PTPN11: variants seen among roughly 807,000 people sequenced by gnomAD.
PTPN11 encodes protein tyrosine phosphatase non-receptor type 11, also known as tyrosine-protein phosphatase non-receptor type 11.
A neutral mutation model predicts 78.8 loss-of-function variants in PTPN11; 6 were observed. The observed-to-expected ratio is 0.08, with a 90% CI of 0.04 to 0.15. PTPN11 has a LOEUF of 0.15. PTPN11 is among the 10% of genes least tolerant of loss of function. PTPN11 has a pLI of 1.00. For missense variants in PTPN11, 386 were observed against 744.8 expected (o/e 0.52, Z 5.61); for synonymous variants, 221 against 263.5 (o/e 0.84, Z 1.56).
chr12:112,453,646 G>GTTTTTTTTTTTTTTT (rs376601242), intron 4 of PTPN11, among the ~76,000 whole-genome samples: 1 of 116,578 alleles, frequency 8.6e-6, no homozygotes. Context: ...CAGATTTTCT[G>GTTTTTTTTTTTTTTT]TTTTTTTTTT....
At chr12:112,497,540 C>T (rs58116261) in intron 13 of PTPN11, among the ~76,000 whole-genome samples, 15,583 of 152,208 alleles carry the variant, frequency 0.1, 932 homozygotes, top group East Asian at 0.23. Flanking sequence ...CTCCCTTCAT[C>T]TCCTTGGTCC....
rs556899087 is a variant in PTPN11 at position 112,459,139 on chromosome 12, T to C, written c.756+3076T>C. 7.7e-4 allele frequency among the ~76,000 whole-genome samples: 117 copies of C among 152,250 alleles called. No homozygotes were observed. The Middle Eastern group carries it at 0.037, about 49-fold the overall frequency. Reference sequence around the variant, plus strand: ...CCTGCCTAAATAATAAAAGGCAGCATTTCAGCAGTCATTCATTTCATTACT... The same window carrying C: ...CCTGCCTAAATAATAAAAGGCAGCACTTCAGCAGTCATTCATTTCATTACT... On this transcript the variant is annotated intron_variant, in intron 6 of 15. Coordinates refer to ENST00000351677, the MANE Select transcript of PTPN11 (RefSeq NM_002834.5).
At chr12:112,475,963 A>G (rs752633099) in intron 7 of PTPN11, among the ~76,000 whole-genome samples, 1 of 150,936 alleles carries the variant, frequency 6.6e-6, no homozygotes, top group Non-Finnish European at 1.5e-5. Context: ...TTTTTTTTGG[A>G]ATTTATTTTT....
chr12:112,419,035 G>C lies in PTPN11; in HGVS notation c.-77G>C. Reference sequence around the variant, plus strand: ...CCGGTCCCGAGCGGGCCTCCCTCGGGCCAGCCCGATGTGACCGAGCCCAGC... The same window carrying C: ...CCGGTCCCGAGCGGGCCTCCCTCGGCCCAGCCCGATGTGACCGAGCCCAGC... On this transcript the variant is annotated 5_prime_UTR_variant, in exon 1 of 16. Transcript: ENST00000351677. The C allele has an allele frequency of 6.5e-7, 1 of 1,527,496 alleles. No individual in the cohort carries two copies. Among genetic ancestry groups the C allele is most frequent in the South Asian group, 1.2e-5 (1 of 82,852 alleles). 94.6% of individuals were successfully genotyped at this position (1,527,496 alleles called of 1,614,324 possible).
chr12:112,445,805 C>G (rs2037984979), intron 1 of PTPN11, among the ~76,000 whole-genome samples: 1 of 151,870 alleles, frequency 6.6e-6, no homozygotes, highest in South Asian at 2.1e-4. Flanking sequence ...CCATGCCCAG[C>G]TAATTTCGTA....
intron 9 of PTPN11, among the ~76,000 whole-genome samples, 188 bp downstream of exon 9, chr12:112,478,203 A>G (rs368341927): frequency 5.3e-5 from 8 of 151,858 alleles, no homozygotes; most frequent in African/African-American, 1.9e-4. Flanking sequence ...TCTGCTTGGG[A>G]TTTGTTGAGC....
intron 1 of PTPN11, among the ~76,000 whole-genome samples, chr12:112,435,381 G>T (rs1252502322): frequency 6.6e-6 from 1 of 152,138 alleles, no homozygotes; most frequent in African/African-American, 2.4e-5. Context: ...CATCACAGGG[G>T]TGAGGTCAAG....
In PTPN11 at chr12:112,504,672, CTTTCTT is replaced by C. The variant is rs1158103485; in HGVS notation, c.1713-14_1713-9del. ...GCGTGGTCTACATTTTTGTAAATGTCTTTCTTTTTCTTTTCTCTCCAGAATGAGAGA... is the reference window on the plus strand; with the variant it reads ...GCGTGGTCTACATTTTTGTAAATGTCTTTCTTTTCTCTCCAGAATGAGAGA... On this transcript the variant is annotated splice_polypyrimidine_tract_variant and intron_variant, in intron 14 of 15. Transcript: ENST00000351677. This position sits in a 1 kb window ranked among gnomAD's most constrained non-coding sequence, Gnocchi z 4.7. 1 of 1,527,536 alleles carries C rather than the reference CTTTCTT, an allele frequency of 6.5e-7. No homozygotes were observed. The highest frequency in any genetic ancestry group is 9.1e-7 in the Non-Finnish European group (1 of 1,104,192). 94.6% of individuals were successfully genotyped at this position (1,527,536 alleles called of 1,614,324 possible). A position where few individuals can be genotyped will look rare whatever the true frequency, so the allele number is the denominator to read the frequency against.
At chr12:112,464,541 G>C (rs1421007430) in intron 6 of PTPN11, among the ~76,000 whole-genome samples, 1 of 152,026 alleles carries the variant, frequency 6.6e-6, no homozygotes, top group Non-Finnish European at 1.5e-5. Context: ...TTGTGCCTCA[G>C]CCACCCAGGT....
At chr12:112,474,325 T>C (rs2038464704) in intron 7 of PTPN11, among the ~76,000 whole-genome samples, 1 of 152,174 alleles carries the variant, frequency 6.6e-6, no homozygotes, top group African/African-American at 2.4e-5. Flanking sequence ...TGTGCACCAC[T>C]GCACTCCAGG....
At position 112,489,047 on chromosome 12, in the gene PTPN11, C is replaced by G. The variant is rs397507539; in HGVS notation, c.1471C>G (p.Pro491Ala). The G allele has an allele frequency of 1.9e-6, 3 of 1,613,884 alleles. No homozygotes were observed. Among genetic ancestry groups the G allele is most frequent in the Admixed American group, 1.7e-5 (1 of 60,008 alleles). The change falls in exon 13 of 16, where the codon CCC (proline) becomes GCC (alanine). Residue 491 changes from proline to alanine, a missense_variant. This residue lies in a region of PTPN11 where 63 missense variants were observed against 182.2 expected (regional missense o/e 0.35). Transcript: ENST00000351677. ...EKGVDCDIDVPKTIQMVRSQR... is the reference protein window; with the variant it reads ...EKGVDCDIDVAKTIQMVRSQR... ...AGGTGTTGACTGCGATATTGACGTT[C>G]CCAAAACCATCCAGATGGTGCGGTC... is the stretch of plus-strand genomic sequence containing the variant.
intron 1 of PTPN11, among the ~76,000 whole-genome samples, chr12:112,443,653 C>CT (rs150851094): frequency 0.068 from 8,972 of 131,700 alleles, 536 homozygotes; most frequent in African/African-American, 0.15. Flanking sequence ...TGTGCCCGGT[C>CT]TTTTTTTTTT....
intron 13 of PTPN11, among the ~76,000 whole-genome samples, chr12:112,500,773 G>A (rs2038865491): frequency 6.6e-6 from 1 of 151,986 alleles, no homozygotes; most frequent in African/African-American, 2.4e-5. Context: ...TGTATTTTTA[G>A]TAGAGACAGG....
intron 6 of PTPN11, among the ~76,000 whole-genome samples, chr12:112,458,587 A>G (rs557787348): frequency 4.6e-5 from 7 of 152,330 alleles, no homozygotes; most frequent in Admixed American, 1.3e-4. Flanking sequence ...GCTCAACATT[A>G]CTGAACAGAG....
intron 7 of PTPN11, 41 bp from the exon 8 acceptor site, chr12:112,477,610 C>G (rs2135900750): frequency 6.8e-7 from 1 of 1,477,018 alleles, no homozygotes; most frequent in Non-Finnish European, 9.5e-7. Flanking sequence ...TTTCCTGAAG[C>G]AGTCCAGGAC....
chr12:112,489,959 C>T (rs188073210), intron 13 of PTPN11, among the ~76,000 whole-genome samples: 14 of 152,250 alleles, frequency 9.2e-5, no homozygotes, highest in Non-Finnish European at 1.5e-4. Context: ...ACAGCAGCCA[C>T]GTTATCAAAG....
intron 7 of PTPN11, 105 bp from the exon 8 acceptor site, chr12:112,477,546 C>T: frequency 2.3e-6 from 2 of 872,636 alleles, no homozygotes; most frequent in African/African-American, 1.7e-5. Flanking sequence ...TTTTTTCAAT[C>T]ATTGAATGAA....
intron 6 of PTPN11, among the ~76,000 whole-genome samples, chr12:112,466,178 A>G (rs2038323020): frequency 6.6e-6 from 1 of 152,218 alleles, no homozygotes; most frequent in Non-Finnish European, 1.5e-5. Context: ...TGTAAGATAA[A>G]AAGGGTGTTT....
intron 1 of PTPN11, among the ~76,000 whole-genome samples, chr12:112,433,894 G>A (rs1226887235): frequency 6.6e-6 from 1 of 152,202 alleles, no homozygotes; most frequent in Non-Finnish European, 1.5e-5. Context: ...GCAGGTTGAG[G>A]CTGTAGTGAG....
Sources: gnomAD v4.1 joint callset for allele counts (sites outside exome capture counted in the v4.1 genomes callset) on GRCh38, gnomAD v4.1.1 for gene constraint, gnomAD v4.1.1 regional missense constraint, Gnocchi (gnomAD v3.1) non-coding constraint, MANE v1.5 for transcripts, NCBI Gene and HGNC (gene_info 2026-07-23, HGNC 2026-07-21) for gene names.